The following SMARCC1 variants were observed in gnomAD, a reference collection of about 807,000 sequenced individuals.
The protein encoded by SMARCC1 is SWI/SNF related BAF chromatin remodeling complex subunit C1.
A neutral mutation model predicts 147.4 loss-of-function variants in SMARCC1; 43 were observed. The ratio of observed to expected loss-of-function variants is 0.29; its 90% confidence interval spans 0.23 to 0.38. The LOEUF is 0.38. SMARCC1 is among the 10% of genes least tolerant of loss of function. The pLI is 1.00. For synonymous variants in SMARCC1, 495 were observed against 484.4 expected (o/e 1.02, Z -0.29); for missense variants, 1,119 against 1,381.1 (o/e 0.81, Z 3.01).
intron 8 of SMARCC1, among the ~76,000 whole-genome samples, chr3:47,713,269 G>A (rs1257641123): frequency 6.6e-6 from 1 of 152,010 alleles, no homozygotes; most frequent in East Asian, 1.9e-4. Context: ...CGTAAGCCGA[G>A]ATCGCGCCAC....
chr3:47,629,273 A>G (rs1027271281), intron 24 of SMARCC1, among the ~76,000 whole-genome samples: 42 of 152,196 alleles, frequency 2.8e-4, no homozygotes, highest in African/African-American at 9.9e-4. Context: ...AACCACTCCT[A>G]AAGAGCCTCA....
At chr3:47,591,177 C>T (rs891732102) in intron 26 of SMARCC1, among the ~76,000 whole-genome samples, 1 of 152,204 alleles carries the variant, frequency 6.6e-6, no homozygotes, top group South Asian at 2.1e-4. Flanking sequence ...TGAGGATATA[C>T]AATGCCAAGC....
At chr3:47,735,887 A>G (rs1576426369) in intron 5 of SMARCC1, 147 bp downstream of exon 5, 1 of 474,542 alleles carries the variant, frequency 2.1e-6, no homozygotes, top group Non-Finnish European at 3.7e-6. Flanking sequence ...AAAGAAAAAA[A>G]AAAAAAAAAC....
At chr3:47,703,222 T>C (rs1326506579) in intron 10 of SMARCC1, among the ~76,000 whole-genome samples, 1 of 152,082 alleles carries the variant, frequency 6.6e-6, no homozygotes, top group Non-Finnish European at 1.5e-5. Context: ...GCATGGGCCA[T>C]CACGCCCGGC....
intron 6 of SMARCC1, among the ~76,000 whole-genome samples, chr3:47,723,034 T>C (rs1003615842): frequency 1.3e-5 from 2 of 152,094 alleles, no homozygotes; most frequent in Admixed American, 6.6e-5. Flanking sequence ...TGGAATGATT[T>C]AGAAAAGGGG....
intron 21 of SMARCC1, among the ~76,000 whole-genome samples, chr3:47,647,106 C>T (rs2033128973): frequency 1.3e-5 from 2 of 152,160 alleles, no homozygotes; most frequent in South Asian, 4.1e-4. Flanking sequence ...CTGCATGATG[C>T]ACAATGAAAT....
chr3:47,715,796 G>C (rs1468497926), intron 7 of SMARCC1, among the ~76,000 whole-genome samples: 1 of 152,076 alleles, frequency 6.6e-6, no homozygotes, highest in Non-Finnish European at 1.5e-5. Flanking sequence ...AGCCACACAG[G>C]CTTTGATAAC....
chr3:47,732,858 C>T (rs6792737), intron 5 of SMARCC1, among the ~76,000 whole-genome samples: 91,528 of 151,730 alleles, frequency 0.6, 28,936 homozygotes, highest in East Asian at 0.72. Flanking sequence ...ACCTGTAATC[C>T]CAGCACTTTG....
At chr3:47,635,497 T>A (rs2032957202) in intron 23 of SMARCC1, among the ~76,000 whole-genome samples, 153 bp from the exon 24 acceptor site, 1 of 152,226 alleles carries the variant, frequency 6.6e-6, no homozygotes. Flanking sequence ...AGCCATTCCA[T>A]GCATTTAGGT....
chr3:47,682,869 C>G (rs1490020233), intron 14 of SMARCC1, among the ~76,000 whole-genome samples: 1 of 152,068 alleles, frequency 6.6e-6, no homozygotes, highest in East Asian at 1.9e-4. Flanking sequence ...TTTAAAAATT[C>G]TGAATGTTAA....
intron 7 of SMARCC1, among the ~76,000 whole-genome samples, chr3:47,719,747 T>A (rs1202874395): frequency 1.3e-5 from 2 of 152,014 alleles, no homozygotes; most frequent in Admixed American, 1.3e-4. Flanking sequence ...AAATTATTTA[T>A]TTTTTGAAGA....
chr3:47,595,868 G>C lies in SMARCC1; in HGVS notation c.3044-5031C>G, dbSNP rs999683785. ...TCCTGCCTCAGCCTCCCGAATAGCT[G>C]AAACTACAGGCACGTGCCACCACGC... is the stretch of plus-strand genomic sequence containing the variant. On this transcript the variant is annotated intron_variant, in intron 26 of 27. Transcript: ENST00000254480. Among the ~76,000 whole-genome samples the C allele has an allele frequency of 5.3e-5, 8 of 151,188 alleles. No homozygotes were observed. The East Asian group carries it at 1.4e-3, about 26-fold the overall frequency.
In SMARCC1 at chr3:47,684,048, C is replaced by A. The variant is rs564211007; in HGVS notation, c.1385+2001G>T. Among the ~76,000 whole-genome samples, 3 of 152,076 alleles carry A rather than the reference C, an allele frequency of 2.0e-5. No homozygotes were observed. The South Asian group carries it at 6.2e-4, about 32-fold the overall frequency. ...CGGGCGGATCACGAGGTCAGGAGATCGAGACCACGGTGAAACCCCGTCTCT... is the reference window on the plus strand; with the variant it reads ...CGGGCGGATCACGAGGTCAGGAGATAGAGACCACGGTGAAACCCCGTCTCT... On this transcript the variant is annotated intron_variant, in intron 14 of 27. Coordinates refer to ENST00000254480, the MANE Select transcript of SMARCC1 (RefSeq NM_003074.4).
chr3:47,644,754 C>T (rs190353355), intron 21 of SMARCC1, among the ~76,000 whole-genome samples: 8 of 152,240 alleles, frequency 5.3e-5, no homozygotes, highest in Admixed American at 2.6e-4. Flanking sequence ...GTGATCCGCC[C>T]GCCTCGGCCT....
Position 47,745,903 on chromosome 3 carries a change from C to A in SMARCC1, c.401+5G>T. ...CAAAACATGCAAACAAATACAAAAA[C>A]TTACCATCCCTGTTCATTTTTATAC... On this transcript the variant is annotated splice_donor_5th_base_variant and intron_variant, in intron 3 of 27. Transcript: ENST00000254480. 6.6e-7 allele frequency: 1 copy of A among 1,521,418 alleles called. No individual in the cohort carries two copies. The highest frequency in any genetic ancestry group is 1.4e-5 in the African/African-American group (1 of 70,632). 94.2% of individuals were successfully genotyped at this position (1,521,418 alleles called of 1,614,324 possible). A position where few individuals can be genotyped will look rare whatever the true frequency, so the allele number is the denominator to read the frequency against.
chr3:47,621,383 T>A (rs897302530), intron 25 of SMARCC1, among the ~76,000 whole-genome samples: 1 of 150,574 alleles, frequency 6.6e-6, no homozygotes, highest in African/African-American at 2.4e-5. Context: ...CCATTCGCAA[T>A]AGCGAAGACA....
intron 11 of SMARCC1, 117 bp from the exon 12 acceptor site, chr3:47,693,417 T>A (rs2033813672): frequency 1.6e-6 from 1 of 632,586 alleles, no homozygotes; most frequent in Non-Finnish European, 2.8e-6. Flanking sequence ...TGCAACACCA[T>A]TCAATACACT....
At chr3:47,736,250 C>A in intron 4 of SMARCC1, 124 bp from the exon 5 acceptor site, 1 of 575,520 alleles carries the variant, frequency 1.7e-6, no homozygotes, top group Non-Finnish European at 3.0e-6. Flanking sequence ...AGAAGCATGA[C>A]CTAAAGAAAT....
chr3:47,678,644 T>C (rs770688988), intron 15 of SMARCC1, among the ~76,000 whole-genome samples: 1 of 152,256 alleles, frequency 6.6e-6, no homozygotes, highest in Non-Finnish European at 1.5e-5. Flanking sequence ...CTACCACATA[T>C]CTATACTTTA....
Sources: gnomAD v4.1 joint callset for allele counts (sites outside exome capture counted in the v4.1 genomes callset) on GRCh38, gnomAD v4.1.1 for gene constraint, MANE v1.5 for transcripts, NCBI Gene and HGNC (gene_info 2026-07-23, HGNC 2026-07-21) for gene names.